PAIP1: variants seen among roughly 807,000 people sequenced by gnomAD.
PAIP1 encodes the protein polyadenylate-binding protein-interacting protein 1.
A neutral mutation model predicts 61.3 loss-of-function variants in PAIP1; 16 were observed. The observed-to-expected ratio is 0.26, with a 90% confidence interval of 0.18 to 0.40. The LOEUF (loss-of-function observed/expected upper bound fraction) is 0.40. PAIP1 is among the 10% of genes least tolerant of loss of function. The pLI is 1.00. For synonymous variants in PAIP1, 187 were observed against 226.2 expected (o/e 0.83, Z 1.56); for missense variants, 416 against 600.9 (o/e 0.69, Z 3.22).
chr5:43,528,041 G>A (rs530386648), intron 10 of PAIP1, among the ~76,000 whole-genome samples: 84 of 152,188 alleles, frequency 5.5e-4, no homozygotes, highest in African/African-American at 1.8e-3. Flanking sequence ...CAACTATTAG[G>A]TAGTTTAAAA....
At chr5:43,545,807 T>C (rs1350446378) in intron 3 of PAIP1, among the ~76,000 whole-genome samples, 2 of 152,028 alleles carry the variant, frequency 1.3e-5, no homozygotes, top group African/African-American at 4.8e-5. Context: ...GTTTCGCTCG[T>C]TGCCCAAGCT....
chr5:43,552,758 G>T (rs950707411), intron 2 of PAIP1, among the ~76,000 whole-genome samples: 1 of 152,190 alleles, frequency 6.6e-6, no homozygotes, highest in Non-Finnish European at 1.5e-5. Context: ...AACAATGGGA[G>T]GGAGCTTCTG....
In PAIP1 at chr5:43,543,028, T is replaced by A. The variant is rs767850266; in HGVS notation, c.710A>T (p.Asn237Ile). 6.3e-7 allele frequency: 1 copy of A among 1,591,040 alleles called. No homozygotes were observed. Among genetic ancestry groups the A allele is most frequent in the Non-Finnish European group, 8.6e-7 (1 of 1,159,284 alleles). ...HHLTISPQSGNFRQLLLQRCR... is the reference protein window; with the variant it reads ...HHLTISPQSGIFRQLLLQRCR... The stretch of plus-strand genomic sequence containing the variant: ...CCTTTGAAGTAGCAATTGGCGGAAG[T>A]TGCCACTCTGTGGGCTAATTGTCAG... Residue 237 changes from asparagine (N) to isoleucine (I), a missense_variant, in exon 4 of 11, where the codon AAC (asparagine) becomes ATC (isoleucine). Transcript: ENST00000306846.
chr5:43,527,276 C>G lies in PAIP1; in HGVS notation c.*100G>C. ...ATACATTAGTAACATAACTCAACAT[C>G]CTTAATTTGGTATAGATGTGACATT... On this transcript the variant is annotated 3_prime_UTR_variant, in exon 11 of 11. Coordinates refer to ENST00000306846, the MANE Select transcript of PAIP1 (RefSeq NM_006451.5). The G allele has an allele frequency of 1.6e-6, 1 of 619,480 alleles. No individual in the cohort carries two copies. The highest frequency in any genetic ancestry group is 2.4e-6 in the Non-Finnish European group (1 of 410,596). The allele number at this position is 619,480 out of a possible 1,614,324, so 38.4% of individuals were successfully genotyped here. A position where few individuals can be genotyped will look rare whatever the true frequency, so the allele number is the denominator to read the frequency against.
intron 9 of PAIP1, among the ~76,000 whole-genome samples, chr5:43,531,688 GAA>G (rs1178833160): frequency 8.8e-6 from 1 of 113,818 alleles, no homozygotes; most frequent in African/African-American, 2.7e-5. Context: ...GAGAAAAAAA[GAA>G]AAGTGTGTGG....
At chr5:43,546,277 C>T (rs950192882) in intron 3 of PAIP1, among the ~76,000 whole-genome samples, 1 of 152,218 alleles carries the variant, frequency 6.6e-6, no homozygotes, top group Non-Finnish European at 1.5e-5. Context: ...TTGTCCAGCC[C>T]TGAATAAGTA....
chr5:43,546,899 T>C (rs1470781789), intron 3 of PAIP1, among the ~76,000 whole-genome samples: 2 of 151,764 alleles, frequency 1.3e-5, no homozygotes, highest in Admixed American at 1.3e-4. Context: ...AAAAATTAGC[T>C]GGGCATGGTG....
chr5:43,545,495 C>G (rs1747603012), intron 3 of PAIP1, among the ~76,000 whole-genome samples: 1 of 152,186 alleles, frequency 6.6e-6, no homozygotes, highest in African/African-American at 2.4e-5. Context: ...TTTAGATTCT[C>G]AAGCAATCCT....
In PAIP1 at chr5:43,556,074, C is replaced by A. The variant is rs1179408223; in HGVS notation, c.266-75G>T. Reference sequence around the variant, plus strand: ...AGCAACTTGCTATATACTGAAAAACCATCTGAAAAGCGTCTGTTTTTAAGA... The same window carrying A: ...AGCAACTTGCTATATACTGAAAAACAATCTGAAAAGCGTCTGTTTTTAAGA... On this transcript the variant is annotated intron_variant, in intron 1 of 10. Transcript: ENST00000306846. The A allele has an allele frequency of 6.9e-5, 104 of 1,515,724 alleles. No homozygotes were observed. The highest frequency in any genetic ancestry group is 9.1e-5 in the Non-Finnish European group (103 of 1,126,506). 93.9% of individuals were successfully genotyped at this position (1,515,724 alleles called of 1,614,324 possible).
chr5:43,543,041 G>T lies in PAIP1; in HGVS notation c.697C>A (p.Pro233Thr), dbSNP rs1429994280. The change falls in exon 4 of 11, where the codon CCA becomes ACA. Residue 233 changes from proline to threonine, a missense_variant. By Grantham distance (38) the Pro-to-Thr change is conservative (BLOSUM62 -1). Around this residue, in one of 4 missense-constraint regions of PAIP1, gnomAD observed 180 missense variants for 211.2 expected, o/e 0.85. Transcript: ENST00000306846. ...AATTGGCGGAAGTTGCCACTCTGTG[G>T]GCTAATTGTCAGATGATGGGACAGG... ...NYLSHHLTIS[P>T]QSGNFRQLLL... 5.6e-6 allele frequency: 9 copies of T among 1,606,786 alleles called. No individual in the cohort carries two copies. The Admixed American group carries it at 1.5e-4, about 27-fold the overall frequency.
intron 2 of PAIP1, among the ~76,000 whole-genome samples, chr5:43,548,282 T>G (rs1747726015): frequency 6.6e-6 from 1 of 152,044 alleles, no homozygotes. Flanking sequence ...AGGGGAAGTA[T>G]GGACTAGGGA....
intron 4 of PAIP1, among the ~76,000 whole-genome samples, chr5:43,541,020 T>C (rs1747379320): frequency 6.6e-6 from 1 of 151,810 alleles, no homozygotes; most frequent in African/African-American, 2.4e-5. Flanking sequence ...AAGCTATAAT[T>C]TGTGTTTCTT....
intron 10 of PAIP1, among the ~76,000 whole-genome samples, chr5:43,528,543 C>A (rs116021301): frequency 5.8e-4 from 89 of 152,216 alleles, no homozygotes; most frequent in African/African-American, 2.1e-3. Flanking sequence ...TATCTTCCAG[C>A]GGTATACCCA....
chr5:43,540,002 A>C (rs1182236416), intron 4 of PAIP1, among the ~76,000 whole-genome samples: 1 of 152,224 alleles, frequency 6.6e-6, no homozygotes, highest in African/African-American at 2.4e-5. Flanking sequence ...TGGGTACTGA[A>C]TGGTTTCCAC....
At chr5:43,548,694 A>T (rs780279455) in intron 2 of PAIP1, among the ~76,000 whole-genome samples, 2 of 152,240 alleles carry the variant, frequency 1.3e-5, no homozygotes, top group Non-Finnish European at 2.9e-5. Context: ...TCACATCTCA[A>T]TGCCTGGAAT....
chr5:43,555,453 A>T (rs1748022845), intron 2 of PAIP1, among the ~76,000 whole-genome samples: 1 of 152,262 alleles, frequency 6.6e-6, no homozygotes, highest in South Asian at 2.1e-4. Context: ...TAAAGTTGTT[A>T]TATAAGTGAC....
At position 43,526,852 on chromosome 5, in the gene PAIP1, A is replaced by C. The variant is rs1364363125; in HGVS notation, c.*524T>G. 6.6e-6 allele frequency: 1 copy of C among 152,054 alleles called. No homozygotes were observed. Among genetic ancestry groups the C allele is most frequent in the African/African-American group, 2.4e-5 (1 of 41,420 alleles). 9.4% of individuals were successfully genotyped at this position (152,054 alleles called of 1,614,324 possible). ...TAAAAAGCCCTTGGTATCAAATAGC[A>C]TCTGCATATGTAAATCAGTTGTTGA... On this transcript the variant is annotated 3_prime_UTR_variant, in exon 11 of 11. Coordinates refer to ENST00000306846, the MANE Select transcript of PAIP1 (RefSeq NM_006451.5).
intron 6 of PAIP1, among the ~76,000 whole-genome samples, chr5:43,536,478 A>G (rs1211939698): frequency 2.6e-5 from 4 of 152,192 alleles, no homozygotes; most frequent in African/African-American, 9.6e-5. Context: ...GTGCCATGGA[A>G]AAATCTAAGA....
In PAIP1 at chr5:43,526,850, G is replaced by A. The variant is rs1746730523; in HGVS notation, c.*526C>T. Reference sequence around the variant, plus strand: ...TTTAAAAAGCCCTTGGTATCAAATAGCATCTGCATATGTAAATCAGTTGTT... The same window carrying A: ...TTTAAAAAGCCCTTGGTATCAAATAACATCTGCATATGTAAATCAGTTGTT... On this transcript the variant is annotated 3_prime_UTR_variant, in exon 11 of 11. Coordinates refer to ENST00000306846, the MANE Select transcript of PAIP1 (RefSeq NM_006451.5). 1 of 151,930 alleles carries A rather than the reference G, an allele frequency of 6.6e-6. No homozygotes were observed. The highest frequency in any genetic ancestry group is 2.4e-5 in the African/African-American group (1 of 41,380). The allele number at this position is 151,930 out of a possible 1,614,324, so 9.4% of individuals were successfully genotyped here.
Sources: allele counts gnomAD v4.1 joint callset (sites outside exome capture counted in the v4.1 genomes callset), GRCh38; gene constraint gnomAD v4.1.1; regional missense constraint gnomAD v4.1.1; transcripts MANE v1.5; gene names NCBI Gene and HGNC (gene_info 2026-07-23, HGNC 2026-07-21).